The following TENM3 variants were observed in gnomAD, a reference collection of about 807,000 sequenced individuals.
TENM3 encodes the protein teneurin-3.
A neutral mutation model predicts 255.1 loss-of-function variants in TENM3; 63 were observed. That is an observed-to-expected ratio of 0.25 (90% CI 0.20 to 0.30). TENM3 has a LOEUF of 0.30. Ranked by LOEUF, TENM3 falls within the 10% of genes least tolerant of loss-of-function variation. The probability of loss-of-function intolerance (pLI) is 1.00; values close to 1 mark genes in which losing one functional copy is unlikely to be tolerated. For missense variants in TENM3, 2,929 were observed against 3,461.1 expected, an observed-to-expected ratio of 0.85 and a Z score of 3.86; for synonymous variants, 1,306 against 1,322.3, an observed-to-expected ratio of 0.99 and a Z score of 0.27.
At chr4:181,627,975 TC>T in the TENM3 span, among the ~76,000 whole-genome samples, 1 of 152,212 alleles carries the variant, frequency 6.6e-6, no homozygotes, top group African/African-American at 2.4e-5. Flanking sequence ...TGTTCCTATT[TC>T]TCCACATCCT....
the TENM3 span, among the ~76,000 whole-genome samples, chr4:181,614,248 A>G: frequency 6.6e-6 from 1 of 152,142 alleles, no homozygotes; most frequent in African/African-American, 2.4e-5. Flanking sequence ...TATTATGACT[A>G]TCAGTTTCTC....
At chr4:181,980,756 C>T in the TENM3 span, among the ~76,000 whole-genome samples, 2 of 152,134 alleles carry the variant, frequency 1.3e-5, no homozygotes, top group South Asian at 2.1e-4. Flanking sequence ...ATGATTACAT[C>T]GAATTAGATC....
the TENM3 span, among the ~76,000 whole-genome samples, chr4:181,717,739 G>C: frequency 6.6e-6 from 1 of 152,062 alleles, no homozygotes; most frequent in African/African-American, 2.4e-5. Flanking sequence ...GTTTGCATCT[G>C]GTATATCTCT....
chr4:182,443,247 C>G (rs1772646638), intron 3 of TENM3, among the ~76,000 whole-genome samples: 1 of 151,996 alleles, frequency 6.6e-6, no homozygotes, highest in Non-Finnish European at 1.5e-5. Context: ...AATAAGTTGC[C>G]AAGCATAGAC....
intron 1 of TENM3, among the ~76,000 whole-genome samples, chr4:182,168,405 G>A (rs2149681301): frequency 6.6e-6 from 1 of 152,222 alleles, no homozygotes; most frequent in Admixed American, 6.5e-5. Flanking sequence ...AAAGTGTTGG[G>A]ATTACAGGCA....
intron 12 of TENM3, among the ~76,000 whole-genome samples, chr4:182,697,118 C>CTTG (rs907240899): frequency 2.0e-5 from 3 of 152,156 alleles, no homozygotes; most frequent in East Asian, 1.9e-4. Flanking sequence ...ATAGATGTTT[C>CTTG]TTGTTGTTGT....
chr4:182,179,349 C>T (rs930936174), intron 1 of TENM3, among the ~76,000 whole-genome samples: 1 of 152,176 alleles, frequency 6.6e-6, no homozygotes, highest in African/African-American at 2.4e-5. Flanking sequence ...GATGAACCCA[C>T]ACCAGAGTGA....
At chr4:182,447,232 GTTTGTGAGTCACGA>G (rs903450420) in intron 3 of TENM3, among the ~76,000 whole-genome samples, 1 of 151,276 alleles carries the variant, frequency 6.6e-6, no homozygotes, top group Non-Finnish European at 1.5e-5. Context: ...AATAGAGTGT[GTTTGTGAGTCACGA>G]TTTTAGAGAC....
chr4:181,448,154 A>ATTTTTTTTTTTT, the TENM3 span, among the ~76,000 whole-genome samples: 13 of 90,124 alleles, frequency 1.4e-4, no homozygotes, highest in African/African-American at 5.3e-4. Context: ...AAATCCAGTA[A>ATTTTTTTTTTTT]TTTTTTTTTT....
the TENM3 span, among the ~76,000 whole-genome samples, chr4:182,034,613 GA>G: frequency 6.6e-6 from 1 of 152,270 alleles, no homozygotes; most frequent in South Asian, 2.1e-4. Flanking sequence ...TGGTTGTCTG[GA>G]AAGGTTTTGT....
intron 4 of TENM3, among the ~76,000 whole-genome samples, chr4:182,610,793 GA>G (rs1748923236): frequency 6.7e-6 from 1 of 148,742 alleles, no homozygotes; most frequent in African/African-American, 2.5e-5. Flanking sequence ...TCTCAGGCTG[GA>G]ATGCAGTGGT....
rs746263612 is a variant in TENM3 at position 182,800,459 on chromosome 4, G to A, written c.*108G>A. The A allele has an allele frequency of 3.3e-5, 44 of 1,353,230 alleles. No homozygotes were observed. The highest frequency in any genetic ancestry group is 5.5e-5 in the Admixed American group (2 of 36,426). The allele number at this position is 1,353,230 out of a possible 1,614,324, so 83.8% of individuals were successfully genotyped here. On this transcript the variant is annotated 3_prime_UTR_variant, in exon 28 of 28. Transcript: ENST00000511685. ...AAGAGCCTTCCTCCCGGGGGAATGAGACTGCTGTTACGACCCACACCCACA... is the reference window on the plus strand; with the variant it reads ...AAGAGCCTTCCTCCCGGGGGAATGAAACTGCTGTTACGACCCACACCCACA...
At chr4:182,700,689 T>C (rs1009390231) in intron 12 of TENM3, among the ~76,000 whole-genome samples, 19 of 152,346 alleles carry the variant, frequency 1.2e-4, no homozygotes, top group African/African-American at 3.8e-4. Flanking sequence ...TCCATAAATT[T>C]GAATACTTTG....
the TENM3 span, among the ~76,000 whole-genome samples, chr4:181,661,988 C>T: frequency 6.6e-6 from 1 of 151,932 alleles, no homozygotes; most frequent in African/African-American, 2.4e-5. Flanking sequence ...AGATAACAGA[C>T]TCCAATTGTT....
intron 5 of TENM3, among the ~76,000 whole-genome samples, chr4:182,651,510 G>A (rs1334078379): frequency 1.3e-5 from 2 of 152,194 alleles, no homozygotes; most frequent in African/African-American, 2.4e-5. Flanking sequence ...GGGCAGAACG[G>A]TGAAACCCCG....
intron 5 of TENM3, among the ~76,000 whole-genome samples, chr4:182,634,381 G>A (rs543882364): frequency 4.6e-4 from 70 of 152,240 alleles, no homozygotes; most frequent in Non-Finnish European, 6.2e-4. Context: ...GCAGAATTGA[G>A]AAACCTTAGC....
chr4:182,091,419 G>T, the TENM3 span, among the ~76,000 whole-genome samples: 2 of 152,218 alleles, frequency 1.3e-5, no homozygotes, highest in Non-Finnish European at 2.9e-5. Flanking sequence ...AACCCCTAGG[G>T]CTGAGGTAGC....
the TENM3 span, among the ~76,000 whole-genome samples, chr4:181,830,641 TC>T: frequency 0.021 from 3,193 of 152,210 alleles, 122 homozygotes; most frequent in African/African-American, 0.072. Context: ...GGAAATAACA[TC>T]CCTCAGAGTA....
the TENM3 span, among the ~76,000 whole-genome samples, chr4:181,553,351 C>T: frequency 9.7e-5 from 14 of 144,664 alleles, no homozygotes; most frequent in Non-Finnish European, 1.1e-4. Flanking sequence ...CACACACACA[C>T]ATATGTGTAA....
Sources: allele counts gnomAD v4.1 joint callset (sites outside exome capture counted in the v4.1 genomes callset), GRCh38; gene constraint gnomAD v4.1.1; transcripts MANE v1.5; gene names NCBI Gene and HGNC (gene_info 2026-07-23, HGNC 2026-07-21).